The following DLGAP2 variants were observed in gnomAD, a reference collection of about 807,000 sequenced individuals.
The protein encoded by DLGAP2 is DLG associated protein 2.
Under a neutral mutation model 100.3 loss-of-function variants are expected in DLGAP2, and 26 were observed. The observed-to-expected ratio is 0.26, with a 90% CI of 0.19 to 0.36. The LOEUF is 0.36. DLGAP2 is among the 10% of genes least tolerant of loss of function. The pLI is 1.00. For missense variants in DLGAP2, 1,858 were observed against 1,453.2 expected (o/e 1.28, Z -4.53); for synonymous variants, 886 against 630.1 (o/e 1.41, Z -6.08).
At chr8:761,079 A>C (rs532246073) in intron 1 of DLGAP2, among the ~76,000 whole-genome samples, 70 of 152,212 alleles carry the variant, frequency 4.6e-4, no homozygotes, top group African/African-American at 1.6e-3. Context: ...GCCGTTCTGA[A>C]CCATTCGCTC....
At chr8:1,226,358 A>G (rs1198515059) in intron 2 of DLGAP2, among the ~76,000 whole-genome samples, 2 of 152,172 alleles carry the variant, frequency 1.3e-5, no homozygotes, top group Non-Finnish European at 2.9e-5. Flanking sequence ...TCCTCAGCAA[A>G]CTAACACAGG....
chr8:1,029,460 C>T (rs929962905), intron 2 of DLGAP2, among the ~76,000 whole-genome samples: 11 of 152,122 alleles, frequency 7.2e-5, no homozygotes, highest in South Asian at 4.1e-4. Context: ...GGATGGCCAA[C>T]GGCATCCAGC....
At chr8:1,494,268 G>T (rs767755033) in intron 3 of DLGAP2, among the ~76,000 whole-genome samples, 19 of 152,178 alleles carry the variant, frequency 1.2e-4, no homozygotes, top group Admixed American at 2.6e-4. Context: ...TACTTTGAAG[G>T]CTTAACTGCT....
chr8:953,909 G>A (rs1366224048), intron 2 of DLGAP2, among the ~76,000 whole-genome samples: 1 of 152,210 alleles, frequency 6.6e-6, no homozygotes, highest in Admixed American at 6.5e-5. Flanking sequence ...CATCAAGGAT[G>A]TTCTTTAGTG....
intron 3 of DLGAP2, among the ~76,000 whole-genome samples, chr8:1,421,068 A>G (rs1450568211): frequency 6.6e-6 from 1 of 152,144 alleles, no homozygotes; most frequent in Non-Finnish European, 1.5e-5. Context: ...ACTGGAGAAA[A>G]TTTCAATCTC....
chr8:1,581,965 A>G (rs1168118953), intron 6 of DLGAP2, among the ~76,000 whole-genome samples: 3 of 151,892 alleles, frequency 2.0e-5, no homozygotes, highest in African/African-American at 7.3e-5. Flanking sequence ...GATACAGACA[A>G]TCCCCACACA....
intron 3 of DLGAP2, among the ~76,000 whole-genome samples, chr8:1,343,264 G>T (rs1226568361): frequency 6.6e-6 from 1 of 152,212 alleles, no homozygotes; most frequent in Non-Finnish European, 1.5e-5. Context: ...GCAGGGCTCA[G>T]GACAGACCAG....
At chr8:1,603,931 G>A (rs1455715413) in intron 6 of DLGAP2, among the ~76,000 whole-genome samples, 1 of 152,034 alleles carries the variant, frequency 6.6e-6, no homozygotes, top group African/African-American at 2.4e-5. Flanking sequence ...CGTATGAGGA[G>A]TTTTCTGAGT....
At chr8:896,639 C>A (rs914118169) in intron 1 of DLGAP2, among the ~76,000 whole-genome samples, 1 of 152,012 alleles carries the variant, frequency 6.6e-6, no homozygotes, top group African/African-American at 2.4e-5. Context: ...GTATTCGTGC[C>A]CTTGTAGGAA....
chr8:1,478,701 C>A (rs975326086), intron 3 of DLGAP2, among the ~76,000 whole-genome samples: 10 of 152,186 alleles, frequency 6.6e-5, no homozygotes, highest in Non-Finnish European at 1.3e-4. Flanking sequence ...TGGAATAGAC[C>A]TGGTCCGGGA....
chr8:1,084,413 C>A (rs1464838058), intron 2 of DLGAP2, among the ~76,000 whole-genome samples: 1 of 152,126 alleles, frequency 6.6e-6, no homozygotes, highest in Non-Finnish European at 1.5e-5. Context: ...TTACTCTTGG[C>A]AATATTTAAA....
chr8:1,208,955 C>G (rs1798050969), intron 2 of DLGAP2, among the ~76,000 whole-genome samples: 1 of 151,886 alleles, frequency 6.6e-6, no homozygotes, highest in Admixed American at 6.6e-5. Flanking sequence ...AAAACCTCTA[C>G]ACCTCTACAA....
chr8:1,057,089 A>G (rs541748408), intron 2 of DLGAP2, among the ~76,000 whole-genome samples: 2 of 152,380 alleles, frequency 1.3e-5, no homozygotes, highest in Non-Finnish European at 1.5e-5. Flanking sequence ...TTTCTGCATG[A>G]AAATGAGTTG....
At chr8:1,565,345 T>C (rs1218622529) in intron 5 of DLGAP2, among the ~76,000 whole-genome samples, 2 of 152,176 alleles carry the variant, frequency 1.3e-5, no homozygotes, top group African/African-American at 2.4e-5. Flanking sequence ...GTTTCTCAAC[T>C]TTCAATTTCC....
intron 2 of DLGAP2, among the ~76,000 whole-genome samples, chr8:1,173,148 C>G (rs569308959): frequency 6.6e-6 from 1 of 152,346 alleles, no homozygotes; most frequent in East Asian, 1.9e-4. Flanking sequence ...GAGGTCCACT[C>G]CAGACCCAGT....
chr8:770,818 A>G (rs1178738212), intron 1 of DLGAP2, among the ~76,000 whole-genome samples: 1 of 152,122 alleles, frequency 6.6e-6, no homozygotes, highest in East Asian at 1.9e-4. Context: ...TGTCCTTGAT[A>G]AGACATGAAT....
At chr8:956,088 A>G (rs1799590459) in intron 2 of DLGAP2, among the ~76,000 whole-genome samples, 1 of 152,220 alleles carries the variant, frequency 6.6e-6, no homozygotes, top group African/African-American at 2.4e-5. Flanking sequence ...TTACCAACAC[A>G]GGCCAAATGT....
chr8:1,192,808 G>T (rs1303032277), intron 2 of DLGAP2, among the ~76,000 whole-genome samples: 1 of 151,906 alleles, frequency 6.6e-6, no homozygotes, highest in Non-Finnish European at 1.5e-5. Context: ...ATCTCCTAAA[G>T]CTATCCCTCC....
At chr8:947,459 C>T (rs936739345) in intron 2 of DLGAP2, among the ~76,000 whole-genome samples, 2 of 152,230 alleles carry the variant, frequency 1.3e-5, no homozygotes, top group Admixed American at 6.5e-5. Flanking sequence ...TCAGCCCTGC[C>T]CTTACACGAA....
Sources: allele counts gnomAD v4.1 joint callset (sites outside exome capture counted in the v4.1 genomes callset), GRCh38; gene constraint gnomAD v4.1.1; transcripts MANE v1.5; gene names NCBI Gene and HGNC (gene_info 2026-07-23, HGNC 2026-07-21).